The following PALLD variants were observed in gnomAD, a reference collection of about 807,000 sequenced individuals.
The protein encoded by PALLD is palladin, cytoskeletal associated protein.
Under a neutral mutation model 123.5 loss-of-function variants are expected in PALLD, and 61 were observed. The observed-to-expected ratio is 0.49, with a 90% CI of 0.40 to 0.61. The LOEUF (loss-of-function observed/expected upper bound fraction) is 0.61, where lower values mean the gene tolerates loss of function less well. Among genes scored for constraint, PALLD ranks in the 20% least tolerant of loss-of-function variants. The pLI is 0.00. For missense variants in PALLD, 1,273 were observed against 1,377.0 expected (o/e 0.92, Z 1.20); for synonymous variants, 465 against 496.4 (o/e 0.94, Z 0.84).
At chr4:168,794,086 C>T (rs866270966) in intron 10 of PALLD, among the ~76,000 whole-genome samples, 5 of 152,258 alleles carry the variant, frequency 3.3e-5, no homozygotes, top group East Asian at 1.9e-4. Flanking sequence ...TCAGCCTCGA[C>T]GGAACCCCTT....
chr4:168,635,745 C>A (rs1178125069), intron 2 of PALLD, among the ~76,000 whole-genome samples: 4 of 152,154 alleles, frequency 2.6e-5, no homozygotes, highest in African/African-American at 9.7e-5. Context: ...TCCCACCAAC[C>A]CTTCATGGTT....
intron 13 of PALLD, 74 bp from the exon 14 acceptor site, chr4:168,898,419 T>G: frequency 1.1e-6 from 1 of 922,746 alleles, no homozygotes. Context: ...TAGGGCCTTA[T>G]TGGGGGGCAG....
At chr4:168,698,141 C>G (rs187006029) in intron 8 of PALLD, among the ~76,000 whole-genome samples, 2 of 152,240 alleles carry the variant, frequency 1.3e-5, no homozygotes, top group Admixed American at 1.3e-4. Flanking sequence ...ATCACATGTT[C>G]TTACTTATTT....
intron 10 of PALLD, among the ~76,000 whole-genome samples, chr4:168,750,853 T>C (rs951350361): frequency 3.3e-5 from 5 of 152,156 alleles, no homozygotes; most frequent in South Asian, 2.1e-4. Flanking sequence ...TTAGTGCCCA[T>C]TTATTATTGT....
At chr4:168,743,983 G>GA (rs1426942778) in intron 10 of PALLD, among the ~76,000 whole-genome samples, 4 of 152,070 alleles carry the variant, frequency 2.6e-5, no homozygotes, top group African/African-American at 4.8e-5. Context: ...GGGAATCCCA[G>GA]AAAAAAATCT....
intron 8 of PALLD, 130 bp downstream of exon 8, chr4:168,691,422 T>A: frequency 1.4e-6 from 1 of 735,764 alleles, no homozygotes; most frequent in East Asian, 2.6e-5. Context: ...TCCCTGGAAA[T>A]GTGAAACCCC....
At chr4:168,617,156 A>C (rs1439510062) in intron 2 of PALLD, among the ~76,000 whole-genome samples, 1 of 152,200 alleles carries the variant, frequency 6.6e-6, no homozygotes, top group Non-Finnish European at 1.5e-5. Context: ...GACAACAATG[A>C]GCCTGCCATA....
intron 3 of PALLD, among the ~76,000 whole-genome samples, chr4:168,680,315 TAAA>T (rs550083822): frequency 7.6e-6 from 1 of 132,354 alleles, no homozygotes; most frequent in Non-Finnish European, 1.6e-5. Flanking sequence ...CCATCTCTGC[TAAA>T]AAAAAAAAAA....
chr4:168,679,162 G>A lies in PALLD; in HGVS notation c.1088-2170G>A, dbSNP rs538913150. 1.2e-3 allele frequency among the ~76,000 whole-genome samples: 151 copies of A among 125,258 alleles called. 2 individuals carry two copies. The highest frequency in any genetic ancestry group is 4.5e-3 in the African/African-American group (144 of 31,666). The allele number at this position is 125,258 out of a possible 152,430, so 82.2% of individuals were successfully genotyped here. ...TGGATGTGGTGTGTGGGGGGTGTGT[G>A]TGCATGGTGTGTGGTGGGGTGTGTG... On this transcript the variant is annotated intron_variant, in intron 3 of 21. Coordinates refer to ENST00000505667, the MANE Select transcript of PALLD (RefSeq NM_001166108.2).
intron 10 of PALLD, among the ~76,000 whole-genome samples, chr4:168,811,056 G>C (rs926012311): frequency 6.6e-6 from 1 of 152,182 alleles, no homozygotes; most frequent in Admixed American, 6.5e-5. Context: ...GATGTTGAAA[G>C]ACATGAGATT....
intron 10 of PALLD, among the ~76,000 whole-genome samples, chr4:168,849,214 C>T (rs934044563): frequency 2.0e-5 from 3 of 152,348 alleles, no homozygotes; most frequent in Non-Finnish European, 4.4e-5. Flanking sequence ...AGATAAGCTG[C>T]CCCTTAGGGA....
chr4:168,807,961 T>C (rs555703949), intron 10 of PALLD, among the ~76,000 whole-genome samples: 5 of 151,426 alleles, frequency 3.3e-5, no homozygotes, highest in African/African-American at 1.2e-4. Context: ...CAGCATCAGC[T>C]TCCCAATGTG....
Position 168,926,516 on chromosome 4 carries a change from A to AC in PALLD, c.*336_*337insC. The AC allele has an allele frequency of 1.5e-6, 1 of 651,198 alleles. No homozygotes were observed. The highest frequency in any genetic ancestry group is 2.5e-6 in the Non-Finnish European group (1 of 397,072). The allele number at this position is 651,198 out of a possible 1,614,324, so 40.3% of individuals were successfully genotyped here. ...AAATTAAAAAAAAAACACCAAAATAATATTTTTCTTACTTGATATACCAAA... is the reference window on the plus strand; with the variant it reads ...AAATTAAAAAAAAAACACCAAAATAACTATTTTTCTTACTTGATATACCAAA... On this transcript the variant is annotated 3_prime_UTR_variant, in exon 22 of 22. Coordinates refer to ENST00000505667, the MANE Select transcript of PALLD (RefSeq NM_001166108.2).
intron 15 of PALLD, among the ~76,000 whole-genome samples, chr4:168,906,411 A>G (rs913041619): frequency 6.6e-6 from 1 of 152,194 alleles, no homozygotes; most frequent in African/African-American, 2.4e-5. Flanking sequence ...CTCATGGCCA[A>G]TGGCAGTGTG....
In PALLD at chr4:168,681,323, C is replaced by G; in HGVS notation, c.1088-9C>G. 1 of 1,560,382 alleles carries G rather than the reference C, an allele frequency of 6.4e-7. No individual in the cohort carries two copies. The highest frequency in any genetic ancestry group is 8.8e-7 in the Non-Finnish European group (1 of 1,131,670). On this transcript the variant is annotated splice_polypyrimidine_tract_variant and intron_variant, in intron 3 of 21. Coordinates refer to ENST00000505667, the MANE Select transcript of PALLD (RefSeq NM_001166108.2). Reference sequence around the variant, plus strand: ...CTTAACTTTACCATTATCTTTAATACTTTCCCAGGTGCCAGTTCAACAGAT... The same window carrying G: ...CTTAACTTTACCATTATCTTTAATAGTTTCCCAGGTGCCAGTTCAACAGAT...
chr4:168,553,972 A>G (rs887561428), intron 2 of PALLD, among the ~76,000 whole-genome samples: 2 of 152,138 alleles, frequency 1.3e-5, no homozygotes, highest in South Asian at 2.1e-4. Flanking sequence ...GCGATTTTAA[A>G]AACTGTTCAT....
At chr4:168,635,730 G>T (rs901010228) in intron 2 of PALLD, among the ~76,000 whole-genome samples, 3 of 152,202 alleles carry the variant, frequency 2.0e-5, no homozygotes, top group Admixed American at 6.5e-5. Context: ...GAAGGCCTGA[G>T]ATCTTCCCAC....
At chr4:168,643,013 C>G (rs540663257) in intron 2 of PALLD, among the ~76,000 whole-genome samples, 1 of 152,260 alleles carries the variant, frequency 6.6e-6, no homozygotes, top group East Asian at 1.9e-4. Flanking sequence ...TGTTAGAGAC[C>G]AGCTGTAGAG....
chr4:168,801,997 A>G (rs1739412280), intron 10 of PALLD, among the ~76,000 whole-genome samples: 1 of 152,234 alleles, frequency 6.6e-6, no homozygotes, highest in South Asian at 2.1e-4. Context: ...GCCATGTTCC[A>G]TGAAGAAGAG....
Sources: gnomAD v4.1 joint callset for allele counts (sites outside exome capture counted in the v4.1 genomes callset) on GRCh38, gnomAD v4.1.1 for gene constraint, MANE v1.5 for transcripts, NCBI Gene and HGNC (gene_info 2026-07-23, HGNC 2026-07-21) for gene names.